MAML3: variants seen among roughly 807,000 people sequenced by gnomAD.
MAML3 encodes the protein mastermind like transcriptional coactivator 3.
MAML3 carries 27 observed loss-of-function variants against 101.9 expected under a neutral mutation model. That is an observed-to-expected ratio of 0.27 (90% CI 0.20 to 0.37). MAML3 has a LOEUF of 0.37. MAML3 is among the 10% of genes least tolerant of loss of function. The pLI is 1.00. For synonymous variants in MAML3, 501 were observed against 555.9 expected (o/e 0.90, Z 1.39); for missense variants, 1,316 against 1,444.9 (o/e 0.91, Z 1.45).
At chr4:140,054,655 C>T (rs887133209) in intron 1 of MAML3, among the ~76,000 whole-genome samples, 5 of 152,152 alleles carry the variant, frequency 3.3e-5, no homozygotes, top group Non-Finnish European at 7.3e-5. Flanking sequence ...ACATCTATGA[C>T]AGTATGGGGA....
intron 4 of MAML3, among the ~76,000 whole-genome samples, chr4:139,723,565 G>C (rs1394746401): frequency 1.3e-5 from 2 of 152,158 alleles, no homozygotes; most frequent in Admixed American, 6.5e-5. Flanking sequence ...GCCCGCCTCG[G>C]CCTCCCAACG....
chr4:140,092,661 T>C (rs568312817), intron 1 of MAML3, among the ~76,000 whole-genome samples: 38 of 152,304 alleles, frequency 2.5e-4, no homozygotes, highest in South Asian at 2.5e-3. Context: ...CCAGGCCCAG[T>C]CGACAGCAGA....
intron 1 of MAML3, among the ~76,000 whole-genome samples, chr4:139,977,520 C>T (rs1734363797): frequency 6.6e-6 from 1 of 152,188 alleles, no homozygotes; most frequent in African/African-American, 2.4e-5. Context: ...TTGGAACATT[C>T]TGCCCTTACT....
At chr4:139,869,268 G>A (rs530426336) in intron 2 of MAML3, among the ~76,000 whole-genome samples, 1 of 152,286 alleles carries the variant, frequency 6.6e-6, no homozygotes, top group South Asian at 2.1e-4. Context: ...CATGATACTG[G>A]GGAACTCTAC....
At chr4:140,116,094 A>C (rs989333495) in intron 1 of MAML3, among the ~76,000 whole-genome samples, 8 of 152,194 alleles carry the variant, frequency 5.3e-5, no homozygotes, top group African/African-American at 1.7e-4. Flanking sequence ...AAAAAAGATT[A>C]TTCTAAATAA....
intron 2 of MAML3, among the ~76,000 whole-genome samples, chr4:139,875,482 T>C (rs1324264585): frequency 6.6e-6 from 1 of 152,220 alleles, no homozygotes; most frequent in African/African-American, 2.4e-5. Context: ...AAGTGGGTTC[T>C]TCTCCAGCTG....
chr4:140,147,751 T>G (rs1456682777), intron 1 of MAML3, among the ~76,000 whole-genome samples: 4 of 152,238 alleles, frequency 2.6e-5, no homozygotes, highest in Admixed American at 6.5e-5. Context: ...TTTAGCCTTT[T>G]TAAGCTCAAG....
rs1225625937 is a variant in MAML3, at chr4:139,890,809, G to A, written c.627C>T (p.Asn209=). 1.9e-6 allele frequency: 3 copies of A among 1,614,060 alleles called. No individual in the cohort carries two copies. The highest frequency in any genetic ancestry group is 3.3e-5 in the Admixed American group (2 of 60,030). Residue 209 remains asparagine, a synonymous_variant, in exon 2 of 5, where the codon AAC becomes AAT. Transcript: ENST00000509479. The surrounding 1 kb of genome is among the most constrained non-coding windows in gnomAD (Gnocchi z 4.1). Reference sequence around the variant, plus strand: ...GAGGAGAAGCTGAAGGCAGTGGCATGTTACTGGGCAAATTGTTGATGGCTT... The same window carrying A: ...GAGGAGAAGCTGAAGGCAGTGGCATATTACTGGGCAAATTGTTGATGGCTT... ...GMEAINNLPS[N]MPLPSASPLH... is the part of the protein sequence containing the mutation.
chr4:140,125,686 G>A (rs1040264068), intron 1 of MAML3, among the ~76,000 whole-genome samples: 1 of 152,038 alleles, frequency 6.6e-6, no homozygotes, highest in African/African-American at 2.4e-5. Flanking sequence ...TCAAACTCCT[G>A]ACCTCACGTG....
rs535785961 is a variant in MAML3 at position 140,111,218 on chromosome 4, G to A, written c.468+41642C>T. On this transcript the variant is annotated intron_variant, in intron 1 of 4. Coordinates refer to ENST00000509479, the MANE Select transcript of MAML3 (RefSeq NM_018717.5). ...CCAAAGGCCTCTGTAACACAGCCAC[G>A]TTAATTATTTGGTGGCTGCTGGATG... 2.7e-3 allele frequency among the ~76,000 whole-genome samples: 406 copies of A among 152,276 alleles called. 3 individuals are homozygous for A. The highest frequency in any genetic ancestry group is 5.8e-3 in the Admixed American group (88 of 15,302).
chr4:139,969,438 A>G (rs1007010142), intron 1 of MAML3, among the ~76,000 whole-genome samples: 2 of 152,012 alleles, frequency 1.3e-5, no homozygotes, highest in African/African-American at 4.8e-5. Flanking sequence ...ACACACACAC[A>G]CACCCTCTCT....
chr4:139,979,750 G>A (rs557358672), intron 1 of MAML3, among the ~76,000 whole-genome samples: 1 of 152,194 alleles, frequency 6.6e-6, no homozygotes, highest in Non-Finnish European at 1.5e-5. Flanking sequence ...CCATCTTGGA[G>A]ACAGAGAGTA....
chr4:139,759,183 C>T (rs907132593), intron 2 of MAML3, among the ~76,000 whole-genome samples: 1 of 152,198 alleles, frequency 6.6e-6, no homozygotes, highest in African/African-American at 2.4e-5. Flanking sequence ...TAAAACTCTC[C>T]AGCTGGATGG....
At chr4:139,881,137 A>G (rs1009117027) in intron 2 of MAML3, among the ~76,000 whole-genome samples, 1 of 152,176 alleles carries the variant, frequency 6.6e-6, no homozygotes, top group African/African-American at 2.4e-5. Context: ...ATGGGAGTGC[A>G]AAAAGGAAAA....
intron 1 of MAML3, among the ~76,000 whole-genome samples, chr4:140,020,534 G>A (rs528874424): frequency 1.3e-5 from 2 of 152,154 alleles, no homozygotes; most frequent in African/African-American, 4.8e-5. Context: ...GAGCAAAAGT[G>A]TATAAATATA....
chr4:140,050,717 A>G (rs1372714062), intron 1 of MAML3, among the ~76,000 whole-genome samples: 1 of 152,200 alleles, frequency 6.6e-6, no homozygotes, highest in Non-Finnish European at 1.5e-5. Flanking sequence ...CCATGGGAAT[A>G]CAACACGCTG....
intron 1 of MAML3, among the ~76,000 whole-genome samples, chr4:140,104,259 A>G (rs1728298224): frequency 1.4e-5 from 2 of 144,626 alleles, no homozygotes; most frequent in Admixed American, 1.4e-4. Context: ...GGTGGCACAT[A>G]CCTATGGTCC....
At chr4:140,078,069 GTTCCCAAACAC>G (rs1197637225) in intron 1 of MAML3, among the ~76,000 whole-genome samples, 1 of 150,442 alleles carries the variant, frequency 6.6e-6, no homozygotes, top group Non-Finnish European at 1.5e-5. Context: ...AGGTTTTTCT[GTTCCCAAACAC>G]TTCTGGAAAT....
chr4:140,130,938 G>C (rs959196722), intron 1 of MAML3, among the ~76,000 whole-genome samples: 8 of 152,060 alleles, frequency 5.3e-5, no homozygotes, highest in African/African-American at 1.9e-4. Context: ...TGCTAGGAGA[G>C]CATGAGGAAA....
Sources: gnomAD v4.1 joint callset for allele counts (sites outside exome capture counted in the v4.1 genomes callset) on GRCh38, gnomAD v4.1.1 for gene constraint, Gnocchi (gnomAD v3.1) non-coding constraint, MANE v1.5 for transcripts, NCBI Gene and HGNC (gene_info 2026-07-23, HGNC 2026-07-21) for gene names.